GOLM1: variants seen among roughly 807,000 people sequenced by gnomAD.
GOLM1 encodes the protein golgi membrane protein 1.
Under a neutral mutation model 50.5 loss-of-function variants are expected in GOLM1, and 31 were observed. The ratio of observed to expected loss-of-function variants is 0.61; its 90% CI spans 0.46 to 0.83. The LOEUF (loss-of-function observed/expected upper bound fraction) is 0.83. GOLM1 is among the 40% of genes least tolerant of loss of function. The probability of loss-of-function intolerance (pLI) is 0.00; values close to 1 mark genes in which losing one functional copy is unlikely to be tolerated. For synonymous variants in GOLM1, 178 were observed against 192.8 expected (o/e 0.92, Z 0.64); for missense variants, 491 against 501.3 (o/e 0.98, Z 0.20).
chr9:86,051,423 A>G (rs186917830), intron 4 of GOLM1, among the ~76,000 whole-genome samples: 1 of 152,066 alleles, frequency 6.6e-6, no homozygotes, highest in Non-Finnish European at 1.5e-5. Flanking sequence ...TATCCTTGTT[A>G]ACTTTCTGTC....
chr9:86,040,578 T>A lies in GOLM1; in HGVS notation c.597+161A>T, dbSNP rs1431995115. Among the ~76,000 whole-genome samples, 3 of 152,114 alleles carry A rather than the reference T, an allele frequency of 2.0e-5. No homozygotes were observed. The East Asian group carries it at 5.8e-4, about 29-fold the overall frequency. The stretch of plus-strand genomic sequence containing the variant: ...TGGAGGTCAGAACCCTTGGTTAGGG[T>A]CCAGTCATCCCAGTACCAGGTTCTG... On this transcript the variant is annotated intron_variant, in intron 6 of 9. Coordinates refer to ENST00000388712, the MANE Select transcript of GOLM1 (RefSeq NM_016548.4).
rs1832829246 is a variant in GOLM1 at position 86,027,709 on chromosome 9, A to G, written c.*108T>C. 1 of 1,456,194 alleles carries G rather than the reference A, an allele frequency of 6.9e-7. No homozygotes were observed. The highest frequency in any genetic ancestry group is 9.1e-7 in the Non-Finnish European group (1 of 1,102,910). 90.2% of individuals were successfully genotyped at this position (1,456,194 alleles called of 1,614,324 possible). A position where few individuals can be genotyped will look rare whatever the true frequency, so the allele number is the denominator to read the frequency against. ...AAAATTTCACAATAATCATCTTCAGATGTACATTTTATTTAGTACATTTCA... is the reference window on the plus strand; with the variant it reads ...AAAATTTCACAATAATCATCTTCAGGTGTACATTTTATTTAGTACATTTCA... On this transcript the variant is annotated 3_prime_UTR_variant, in exon 10 of 10. Transcript: ENST00000388712.
At chr9:86,063,625 C>T (rs115667454) in intron 3 of GOLM1, among the ~76,000 whole-genome samples, 498 of 152,302 alleles carry the variant, frequency 3.3e-3, no homozygotes, top group African/African-American at 0.011. Flanking sequence ...ATTTTCTTTA[C>T]GTATTTCCCA....
intron 5 of GOLM1, 78 bp downstream of exon 5, chr9:86,046,392 G>T: frequency 1.2e-6 from 1 of 834,994 alleles, no homozygotes; most frequent in Non-Finnish European, 2.1e-6. Flanking sequence ...CTCTATCGGA[G>T]GTTACATCTC....
chr9:86,031,410 C>T (rs1832976289), intron 9 of GOLM1, among the ~76,000 whole-genome samples: 1 of 146,774 alleles, frequency 6.8e-6, no homozygotes, highest in Non-Finnish European at 1.5e-5. Context: ...AGAAATCAAG[C>T]ATTTATCCTA....
intron 5 of GOLM1, 50 bp from the exon 6 acceptor site, chr9:86,040,918 C>T: frequency 6.3e-7 from 1 of 1,583,652 alleles, no homozygotes; most frequent in Non-Finnish European, 8.6e-7. Flanking sequence ...GACTGTGTCT[C>T]TGCTGGACGG....
intron 3 of GOLM1, among the ~76,000 whole-genome samples, chr9:86,059,211 GA>G (rs1310635344): frequency 6.6e-6 from 1 of 152,086 alleles, no homozygotes. Flanking sequence ...CCAAGAGAAA[GA>G]AGACATATCC....
At chr9:86,063,133 G>A (rs1834209216) in intron 3 of GOLM1, among the ~76,000 whole-genome samples, 1 of 152,252 alleles carries the variant, frequency 6.6e-6, no homozygotes. Context: ...TGCCAACAGG[G>A]CTTGACCCAG....
At chr9:86,060,917 A>AAAAAAAAG (rs1563960044) in intron 3 of GOLM1, among the ~76,000 whole-genome samples, 1 of 136,770 alleles carries the variant, frequency 7.3e-6, no homozygotes, top group Admixed American at 7.2e-5. Context: ...AAAAAAAAGA[A>AAAAAAAAG]GAAGAAGAAG....
intron 3 of GOLM1, among the ~76,000 whole-genome samples, chr9:86,057,425 T>C (rs563577530): frequency 1.6e-4 from 24 of 152,194 alleles, no homozygotes; most frequent in Non-Finnish European, 3.2e-4. Context: ...TGACTTTTTT[T>C]TTTTGAGTGA....
chr9:86,037,604 T>A (rs1833189782), intron 6 of GOLM1, among the ~76,000 whole-genome samples: 1 of 152,152 alleles, frequency 6.6e-6, no homozygotes, highest in Admixed American at 6.5e-5. Context: ...AGCTTAAAAG[T>A]CACCACTTAG....
chr9:86,096,102 T>C (rs1388798994), intron 1 of GOLM1, among the ~76,000 whole-genome samples: 1 of 152,014 alleles, frequency 6.6e-6, no homozygotes, highest in African/African-American at 2.4e-5. Flanking sequence ...ACTTTAAATA[T>C]GTAAAACCTT....
Position 86,063,950 on chromosome 9 carries a change from G to A in GOLM1, c.310-11359C>T, listed in dbSNP as rs12115366. 3.8e-3 allele frequency among the ~76,000 whole-genome samples: 581 copies of A among 152,294 alleles called. 4 individuals are homozygous for A. The highest frequency in any genetic ancestry group is 0.013 in the African/African-American group (531 of 41,562). On this transcript the variant is annotated intron_variant, in intron 3 of 9. Transcript: ENST00000388712. Reference sequence around the variant, plus strand: ...CATCGTGGGCAACCTCACATTGCACGACAATGCTTTCCATGTGGAACTTGT... The same window carrying A: ...CATCGTGGGCAACCTCACATTGCACAACAATGCTTTCCATGTGGAACTTGT...
intron 1 of GOLM1, among the ~76,000 whole-genome samples, chr9:86,096,475 A>G (rs1835359266): frequency 6.6e-6 from 1 of 152,140 alleles, no homozygotes; most frequent in Non-Finnish European, 1.5e-5. Context: ...CATCAGCATT[A>G]CCTTGGAATT....
intron 9 of GOLM1, among the ~76,000 whole-genome samples, chr9:86,029,269 T>C (rs1832894334): frequency 6.6e-6 from 1 of 152,146 alleles, no homozygotes; most frequent in Admixed American, 6.5e-5. Context: ...TAATGCCCCA[T>C]ATGCCATAGA....
intron 3 of GOLM1, among the ~76,000 whole-genome samples, chr9:86,060,875 T>TA (rs1834134310): frequency 8.1e-5 from 1 of 12,278 alleles, no homozygotes; most frequent in Non-Finnish European, 2.7e-4. Context: ...CGAAACTCTC[T>TA]CAAAAAAAAA....
At position 86,033,364 on chromosome 9, in the gene GOLM1, ATCT is replaced by A; in HGVS notation, c.1044_1046del (p.Glu348del). 3 of 1,612,188 alleles carry A rather than the reference ATCT, an allele frequency of 1.9e-6. No individual in the cohort carries two copies. Among genetic ancestry groups the A allele is most frequent in the Non-Finnish European group, 2.5e-6 (3 of 1,178,268 alleles). On this transcript the variant is annotated inframe_deletion, in exon 9 of 10. Transcript: ENST00000388712. The stretch of plus-strand genomic sequence containing the variant: ...CTTCATTTTCATCCATGTTGTAGTC[ATCT>A]TCTCCTCTCAGTTTCTGCTGGTTTC...
intron 3 of GOLM1, 146 bp from the exon 4 acceptor site, chr9:86,052,737 C>G (rs541734291): frequency 8.4e-6 from 5 of 598,668 alleles, no homozygotes; most frequent in Non-Finnish European, 1.5e-5. Context: ...AGGCTGGGCC[C>G]TCCCATGTCT....
chr9:86,053,653 CT>C (rs1169957953), intron 3 of GOLM1, among the ~76,000 whole-genome samples: 25 of 2,434 alleles, frequency 0.01, no homozygotes, highest in Non-Finnish European at 0.014. Flanking sequence ...CCACACCATG[CT>C]ACACCACTCC....
Sources: gnomAD v4.1 joint callset for allele counts (sites outside exome capture counted in the v4.1 genomes callset) on GRCh38, gnomAD v4.1.1 for gene constraint, MANE v1.5 for transcripts, NCBI Gene and HGNC (gene_info 2026-07-23, HGNC 2026-07-21) for gene names.